The following COL4A6 variants were observed in gnomAD, a reference collection of about 807,000 sequenced individuals.
COL4A6 encodes collagen type IV alpha 6 chain, also known as collagen alpha-6(IV) chain.
COL4A6 carries 59 observed loss-of-function variants against 126.7 expected under a neutral mutation model. The ratio of observed to expected loss-of-function variants is 0.47; its 90% confidence interval spans 0.38 to 0.58. COL4A6 has a LOEUF of 0.58. COL4A6 is among the 20% of genes least tolerant of loss of function. The pLI, the probability that COL4A6 is intolerant of heterozygous loss-of-function variation, is 0.00. For synonymous variants in COL4A6, 547 were observed against 496.6 expected (o/e 1.10, Z -1.35); for missense variants, 1,285 against 1,337.3 (o/e 0.96, Z 0.61).
intron 13 of COL4A6, among the ~76,000 whole-genome samples, chrX:108,201,201 T>G (rs1419744112): frequency 1.8e-5 from 2 of 111,806 alleles, no homozygotes; most frequent in African/African-American, 6.5e-5. Context: ...CTCAAAGTAC[T>G]GTAGGGAAGG....
In COL4A6 at chrX:108,164,492, T is replaced by C. The variant is rs1232827029; in HGVS notation, c.4069+108A>G. 17 of 737,961 alleles carry C rather than the reference T, an allele frequency of 2.3e-5. No individual in the cohort carries two copies. The Admixed American group carries it at 3.2e-4, about 14-fold the overall frequency. 60.8% of individuals were successfully genotyped at this position (737,961 alleles called of 1,213,427 possible). The stretch of plus-strand genomic sequence containing the variant: ...CTGGGGTACCTTGATCCAGCTGTTT[T>C]AGACATCCAGACTTTCTTGGCGTGG... On this transcript the variant is annotated intron_variant, in intron 40 of 44. Transcript: ENST00000334504.
rs1370795924 is a variant in COL4A6 at position 108,210,029 on chromosome X, AAG to A, written c.511-27_511-26del. ...CCTGAGAAACAAAGGCAGGACACTG[AAG>A]AGTTTAATAAATTAAGCCTGCAATA... On this transcript the variant is annotated intron_variant, in intron 7 of 44. Transcript: ENST00000334504. 6 of 1,199,826 alleles carry A rather than the reference AAG, an allele frequency of 5.0e-6. No individual in the cohort carries two copies. The South Asian group carries it at 1.1e-4, about 22-fold the overall frequency.
chrX:108,194,352 G>A (rs1192902657), intron 16 of COL4A6, among the ~76,000 whole-genome samples, 182 bp downstream of exon 16: 2 of 112,438 alleles, frequency 1.8e-5, no homozygotes, highest in East Asian at 5.5e-4. Flanking sequence ...CACTGATCAA[G>A]TAGTATCTAA....
intron 3 of COL4A6, among the ~76,000 whole-genome samples, chrX:108,230,617 T>A (rs1236494867): frequency 8.9e-6 from 1 of 112,256 alleles, no homozygotes; most frequent in Non-Finnish European, 1.9e-5. Context: ...AAGATACTAA[T>A]AATAACACCC....
At chrX:108,252,511 T>C (rs891975294) in intron 3 of COL4A6, among the ~76,000 whole-genome samples, 5 of 111,528 alleles carry the variant, frequency 4.5e-5, no homozygotes, top group Non-Finnish European at 7.6e-5. Context: ...AGTAGTAAGA[T>C]TGTGATAAAC....
intron 37 of COL4A6, among the ~76,000 whole-genome samples, chrX:108,166,895 T>C (rs1219877583): frequency 9.0e-6 from 1 of 111,604 alleles, no homozygotes; most frequent in Non-Finnish European, 1.9e-5. Context: ...ATAAAGCATA[T>C]ATATGTATAG....
chrX:108,351,797 G>A (rs1222207051), intron 2 of COL4A6, among the ~76,000 whole-genome samples: 1 of 111,287 alleles, frequency 9.0e-6, no homozygotes, highest in Non-Finnish European at 1.9e-5. Context: ...CATCGAAGCT[G>A]TATCTCTTCA....
chrX:108,386,751 T>G (rs1334447837), intron 2 of COL4A6, among the ~76,000 whole-genome samples: 1 of 112,152 alleles, frequency 8.9e-6, no homozygotes, highest in Admixed American at 9.4e-5. Flanking sequence ...TGGCTTTTGT[T>G]GCCATTGCTT....
At chrX:108,230,041 T>A (rs2036265945) in intron 3 of COL4A6, among the ~76,000 whole-genome samples, 1 of 112,199 alleles carries the variant, frequency 8.9e-6, no homozygotes, top group Admixed American at 9.4e-5. Context: ...ACCGAGTGGA[T>A]CTCTTTGATG....
intron 2 of COL4A6, among the ~76,000 whole-genome samples, chrX:108,358,319 CT>C (rs1362697460): frequency 9.0e-6 from 1 of 110,942 alleles, no homozygotes; most frequent in Non-Finnish European, 1.9e-5. Flanking sequence ...AGTAAGAATT[CT>C]TTTGAGGACT....
rs1327074385 is a variant in COL4A6 at position 108,187,087 on chromosome X, A to G, written c.1951+9T>C. 1 of 1,123,046 alleles carries G rather than the reference A, an allele frequency of 8.9e-7. No homozygotes were observed. The highest frequency in any genetic ancestry group is 3.1e-5 in the East Asian group (1 of 31,783). 92.6% of individuals were successfully genotyped at this position (1,123,046 alleles called of 1,213,427 possible). A position where few individuals can be genotyped will look rare whatever the true frequency, so the allele number is the denominator to read the frequency against. The stretch of plus-strand genomic sequence containing the variant: ...TCCAAGTCCAAAGCCATCTGATTCT[A>G]TGACTCACCCTTAGATCCGGGAAGG... On this transcript the variant is annotated intron_variant, in intron 23 of 44. Coordinates refer to ENST00000334504, the MANE Select transcript of COL4A6 (RefSeq NM_033641.4).
At chrX:108,353,738 G>A (rs1285238563) in intron 2 of COL4A6, among the ~76,000 whole-genome samples, 1 of 112,199 alleles carries the variant, frequency 8.9e-6, no homozygotes, top group African/African-American at 3.2e-5. Flanking sequence ...TGAGATTAGC[G>A]TATATTATGG....
intron 27 of COL4A6, among the ~76,000 whole-genome samples, chrX:108,177,587 G>A (rs1179824502): frequency 6.2e-5 from 7 of 112,036 alleles, no homozygotes; most frequent in Non-Finnish European, 1.1e-4. Flanking sequence ...GGCCCATTTG[G>A]TCTCCTAGGT....
At chrX:108,206,668 G>A (rs1434249419) in intron 8 of COL4A6, 88 bp from the exon 9 acceptor site, 6 of 773,895 alleles carry the variant, frequency 7.8e-6, no homozygotes, top group African/African-American at 4.1e-5. Context: ...AACTGTACAA[G>A]AATGTTCATA....
At chrX:108,413,168 G>A (rs1481340133) in intron 2 of COL4A6, among the ~76,000 whole-genome samples, 1 of 112,041 alleles carries the variant, frequency 8.9e-6, no homozygotes, top group Non-Finnish European at 1.9e-5. Context: ...TAGCATCACA[G>A]TCCCACACAA....
At position 108,172,462 on chromosome X, in the gene COL4A6, T is replaced by C; in HGVS notation, c.3202+7A>G. The stretch of plus-strand genomic sequence containing the variant: ...AAACATTAAAAGAAAAAAAAAATGC[T>C]CCTTACCTTTCAGGCCTGGGAGACC... On this transcript the variant is annotated splice_region_variant and intron_variant, in intron 32 of 44. Coordinates refer to ENST00000334504, the MANE Select transcript of COL4A6 (RefSeq NM_033641.4). The C allele has an allele frequency of 8.6e-7, 1 of 1,158,459 alleles. No homozygotes were observed. Among genetic ancestry groups the C allele is most frequent in the Non-Finnish European group, 1.2e-6 (1 of 865,541 alleles).
In COL4A6 at chrX:108,214,212, G is replaced by A. The variant is rs370555492; in HGVS notation, c.341C>T (p.Pro114Leu). ...INGIPGHPGQ[P>L]GPRGPPGLDG... The stretch of plus-strand genomic sequence containing the variant: ...CAGACCAGGTGGGCCTCTGGGGCCT[G>A]GTTGTCCAGGGTGGCCCTGTTCAAA... Residue 114 changes from proline to leucine, a missense_variant, in exon 6 of 45, where the codon CCA becomes CTA. By Grantham distance (98) the Pro-to-Leu change is moderately conservative. Coordinates refer to ENST00000334504, the MANE Select transcript of COL4A6 (RefSeq NM_033641.4). The A allele has an allele frequency of 8.3e-7, 1 of 1,201,132 alleles. No individual in the cohort carries two copies. The highest frequency in any genetic ancestry group is 1.8e-5 in the South Asian group (1 of 55,918).
At chrX:108,327,854 A>T (rs2039197335) in intron 2 of COL4A6, among the ~76,000 whole-genome samples, 1 of 110,580 alleles carries the variant, frequency 9.0e-6, no homozygotes, top group South Asian at 3.9e-4. Context: ...CAGCAAAGGG[A>T]CTCAGAAGTC....
chrX:108,281,838 G>T, intron 3 of COL4A6, among the ~76,000 whole-genome samples: 1 of 110,481 alleles, frequency 9.1e-6, no homozygotes, highest in Non-Finnish European at 1.9e-5. Flanking sequence ...CAGAAATAAC[G>T]CCGCATGTCT....
Sources: gnomAD v4.1 joint callset for allele counts (sites outside exome capture counted in the v4.1 genomes callset) on GRCh38, gnomAD v4.1.1 for gene constraint, MANE v1.5 for transcripts, NCBI Gene and HGNC (gene_info 2026-07-23, HGNC 2026-07-21) for gene names.